ACYP2: variants seen among roughly 807,000 people sequenced by gnomAD.
The protein encoded by ACYP2 is acylphosphatase-2.
In ACYP2, 12 loss-of-function variants were observed where a neutral mutation model predicts 11.2. The observed-to-expected ratio is 1.08, with a 90% CI of 0.69 to 1.74. The LOEUF is 1.74. ACYP2 is among the 40% of genes most tolerant of loss of function. ACYP2 has a pLI of 0.00. For missense variants in ACYP2, 134 were observed against 101.9 expected (o/e 1.31, Z -1.35); for synonymous variants, 43 against 32.2 (o/e 1.33, Z -1.13).
At chr2:54,256,000 G>C in intron 6 of ACYP2, 1 of 1,614,108 alleles carries the variant, frequency 6.2e-7, no homozygotes, top group Non-Finnish European at 8.5e-7. Context: ...AAGCCGGGGC[G>C]GTGGGAACAC....
intron 4 of ACYP2, among the ~76,000 whole-genome samples, chr2:54,072,770 C>T (rs187852612): frequency 6.6e-6 from 1 of 152,126 alleles, no homozygotes; most frequent in Non-Finnish European, 1.5e-5. Context: ...ACCATGTTGG[C>T]CAGGCTGGTC....
chr2:54,030,198 G>T (rs941817107), intron 2 of ACYP2, among the ~76,000 whole-genome samples: 1 of 152,170 alleles, frequency 6.6e-6, no homozygotes, highest in Non-Finnish European at 1.5e-5. Flanking sequence ...CTGTGATACT[G>T]GAGTGATTAT....
chr2:54,137,591 G>C (rs1333943718), intron 5 of ACYP2, among the ~76,000 whole-genome samples: 1 of 152,124 alleles, frequency 6.6e-6, no homozygotes, highest in African/African-American at 2.4e-5. Flanking sequence ...CTCCATTCAT[G>C]TTCCTTCAAA....
At chr2:54,195,746 T>C (rs1572916789) in intron 6 of ACYP2, among the ~76,000 whole-genome samples, 1 of 149,788 alleles carries the variant, frequency 6.7e-6, no homozygotes, top group East Asian at 2.0e-4. Flanking sequence ...CAAGAGAGGA[T>C]GGTTAAATAA....
intron 6 of ACYP2, among the ~76,000 whole-genome samples, chr2:54,176,407 C>G (rs80328132): frequency 0.014 from 2,174 of 152,280 alleles, 23 homozygotes; most frequent in Non-Finnish European, 0.021. Flanking sequence ...AATAGAACGA[C>G]CAAGTGTCTC....
intron 2 of ACYP2, among the ~76,000 whole-genome samples, chr2:53,982,053 A>T (rs951215403): frequency 3.3e-5 from 5 of 152,178 alleles, no homozygotes; most frequent in African/African-American, 1.2e-4. Flanking sequence ...TAGTAAAGAG[A>T]TGTATTTTTT....
chr2:54,003,577 T>C lies in ACYP2; in HGVS notation c.62+29767T>C, dbSNP rs559884165. 6.6e-5 allele frequency among the ~76,000 whole-genome samples: 10 copies of C among 152,318 alleles called. No individual in the cohort carries two copies. In the South Asian group the frequency reaches 1.4e-3, roughly 22 times the overall value. ...GCCTGGCCCAGAGCTCATTTCTTTT[T>C]AACACTGAATAATGTTCAGTTGTCT... is the stretch of plus-strand genomic sequence containing the variant. On this transcript the variant is annotated intron_variant, in intron 2 of 6. Coordinates refer to ENST00000607452, the MANE Select transcript of ACYP2 (RefSeq NM_001320586.2).
At chr2:54,144,146 A>T (rs998999504) in intron 6 of ACYP2, among the ~76,000 whole-genome samples, 2 of 151,784 alleles carry the variant, frequency 1.3e-5, no homozygotes, top group Non-Finnish European at 2.9e-5. Context: ...ATTTTTAAAA[A>T]TTTTTTTGTG....
Position 54,266,590 on chromosome 2 carries a change from C to CTTTTTTTTTTTTTT in ACYP2, c.405-38078_405-38065dup, listed in dbSNP as rs138812389. Among the ~76,000 whole-genome samples, 59 of 52,270 alleles carry CTTTTTTTTTTTTTT rather than the reference C, an allele frequency of 1.1e-3. 11 individuals carry two copies. The highest frequency in any genetic ancestry group is 1.5e-3 in the Non-Finnish European group (46 of 29,942). The allele number at this position is 52,270 out of a possible 152,430, so 34.3% of individuals were successfully genotyped here. ...TAGATAGATATAGATATCTATCTAT[C>CTTTTTTTTTTTTTT]TTTTTTTTTTTTTTTTTTTTTTTTT... On this transcript the variant is annotated intron_variant, in intron 6 of 6. Transcript: ENST00000607452.
chr2:54,082,884 G>T (rs1220730914), intron 4 of ACYP2: 1 of 151,984 alleles, frequency 6.6e-6, no homozygotes, highest in Non-Finnish European at 1.5e-5. Flanking sequence ...AGACCAGCCT[G>T]GCCAAGATGG....
At chr2:54,141,983 T>TTGTGCGTG in intron 6 of ACYP2, 1 of 458,870 alleles carries the variant, frequency 2.2e-6, no homozygotes. Flanking sequence ...GCTGGCTAAT[T>TTGTGCGTG]TGTGTGTGTG....
intron 6 of ACYP2, chr2:54,267,337 G>T (rs1442654836): frequency 6.5e-7 from 1 of 1,549,220 alleles, no homozygotes. Context: ...AAAGAAACAA[G>T]ATAGGGCAAC....
At chr2:54,157,483 G>A (rs749206684) in intron 6 of ACYP2, among the ~76,000 whole-genome samples, 1 of 152,144 alleles carries the variant, frequency 6.6e-6, no homozygotes, top group South Asian at 2.1e-4. Flanking sequence ...GCTTTCTGCA[G>A]TTTTTTTGCT....
intron 2 of ACYP2, among the ~76,000 whole-genome samples, chr2:54,036,687 C>T (rs1485723839): frequency 3.9e-5 from 6 of 152,204 alleles, no homozygotes; most frequent in Admixed American, 6.5e-5. Context: ...TTTGCCTTGA[C>T]TTCAAGGAGA....
intron 6 of ACYP2, among the ~76,000 whole-genome samples, chr2:54,295,892 C>G (rs1391539702): frequency 6.6e-6 from 1 of 152,018 alleles, no homozygotes; most frequent in Non-Finnish European, 1.5e-5. Flanking sequence ...TCCCACATAG[C>G]TGGAATTACA....
At chr2:54,051,174 G>C in intron 3 of ACYP2, 1 of 713,798 alleles carries the variant, frequency 1.4e-6, no homozygotes, top group South Asian at 1.6e-5. Flanking sequence ...ACAGGCATTG[G>C]GCGACTCTGC....
intron 6 of ACYP2, among the ~76,000 whole-genome samples, chr2:54,197,552 GA>G (rs1204711920): frequency 6.6e-6 from 1 of 152,230 alleles, no homozygotes; most frequent in African/African-American, 2.4e-5. Context: ...AAGGTTGTGT[GA>G]CAGGAGTGCT....
chr2:54,282,652 C>A (rs538819738), intron 6 of ACYP2, among the ~76,000 whole-genome samples: 15 of 152,248 alleles, frequency 9.9e-5, no homozygotes, highest in African/African-American at 3.6e-4. Flanking sequence ...ACCACTCACT[C>A]CTGGGGAAAT....
chr2:54,194,273 C>G (rs996323666), intron 6 of ACYP2, among the ~76,000 whole-genome samples: 1 of 152,146 alleles, frequency 6.6e-6, no homozygotes, highest in East Asian at 1.9e-4. Flanking sequence ...CTCCTGACCT[C>G]AAGTGATCCA....
Sources: allele counts gnomAD v4.1 joint callset (sites outside exome capture counted in the v4.1 genomes callset), GRCh38; gene constraint gnomAD v4.1.1; transcripts MANE v1.5; gene names NCBI Gene and HGNC (gene_info 2026-07-23, HGNC 2026-07-21).